NFIA: variants seen among roughly 807,000 people sequenced by gnomAD.
NFIA encodes nuclear factor 1 A-type.
NFIA carries 8 observed loss-of-function variants against 62.8 expected under a neutral mutation model. That is an observed-to-expected ratio of 0.13 (90% CI 0.07 to 0.23). NFIA has a LOEUF of 0.23. Among genes scored for constraint, NFIA ranks in the 10% least tolerant of loss-of-function variants. The pLI is 1.00. For missense variants in NFIA, 410 were observed against 642.1 expected (o/e 0.64, Z 3.91); for synonymous variants, 235 against 238.1 (o/e 0.99, Z 0.12).
intron 3 of NFIA, among the ~76,000 whole-genome samples, chr1:61,294,821 G>T (rs77320750): frequency 2.0e-5 from 3 of 152,130 alleles, no homozygotes; most frequent in Non-Finnish European, 2.9e-5. Context: ...TGAGTCTGTC[G>T]CTGGTAAGAT....
chr1:61,371,276 T>C (rs1251381407), intron 6 of NFIA, among the ~76,000 whole-genome samples: 1 of 152,350 alleles, frequency 6.6e-6, no homozygotes, highest in East Asian at 1.9e-4. Context: ...AGTTATTCTT[T>C]GATATTTATC....
intron 9 of NFIA, among the ~76,000 whole-genome samples, chr1:61,420,889 G>A (rs764242194): frequency 6.6e-5 from 10 of 152,094 alleles, no homozygotes; most frequent in South Asian, 2.1e-4. Context: ...CTTCTTGCCC[G>A]TCATTTTCAA....
intron 5 of NFIA, among the ~76,000 whole-genome samples, chr1:61,352,784 C>CAT (rs778394671): frequency 2.7e-5 from 4 of 150,056 alleles, no homozygotes; most frequent in South Asian, 2.1e-4. Context: ...CACACACACA[C>CAT]GCACACACAC....
At chr1:61,440,351 T>C (rs1667519126) in intron 10 of NFIA, among the ~76,000 whole-genome samples, 1 of 152,238 alleles carries the variant, frequency 6.6e-6, no homozygotes, top group Non-Finnish European at 1.5e-5. Flanking sequence ...ATTAAATTAC[T>C]CTGCTGTTCT....
intron 6 of NFIA, among the ~76,000 whole-genome samples, chr1:61,372,374 T>C (rs1663934526): frequency 6.6e-6 from 1 of 152,166 alleles, no homozygotes; most frequent in Non-Finnish European, 1.5e-5. Context: ...GAAAATAGCA[T>C]GCTTTTTAAT....
intron 3 of NFIA, among the ~76,000 whole-genome samples, chr1:61,278,720 G>A (rs1657960725): frequency 6.6e-6 from 1 of 152,172 alleles, no homozygotes; most frequent in African/African-American, 2.4e-5. Flanking sequence ...GAACCTGGGA[G>A]GCAGAGGTTG....
At chr1:61,190,943 G>C (rs1215932967) in intron 2 of NFIA, among the ~76,000 whole-genome samples, 1 of 151,894 alleles carries the variant, frequency 6.6e-6, no homozygotes, top group East Asian at 1.9e-4. Context: ...ACTATAAAAA[G>C]CCAACTTTGT....
At chr1:61,313,301 G>T (rs1390053544) in intron 3 of NFIA, among the ~76,000 whole-genome samples, 1 of 152,226 alleles carries the variant, frequency 6.6e-6, no homozygotes, top group African/African-American at 2.4e-5. Context: ...TGTGGGCTGT[G>T]CAGGGAGCAT....
At chr1:61,292,126 A>G (rs962540783) in intron 3 of NFIA, among the ~76,000 whole-genome samples, 2 of 152,178 alleles carry the variant, frequency 1.3e-5, no homozygotes, top group African/African-American at 4.8e-5. Flanking sequence ...GGGAGAATGC[A>G]TTATTAGAAA....
intron 2 of NFIA, among the ~76,000 whole-genome samples, chr1:61,192,685 G>A (rs541174760): frequency 7.9e-5 from 12 of 150,962 alleles, no homozygotes; most frequent in Admixed American, 5.3e-4. Flanking sequence ...CCTGGGTGAC[G>A]GAGCGAGACT....
intron 10 of NFIA, among the ~76,000 whole-genome samples, chr1:61,449,212 G>C (rs1162545331): frequency 1.3e-5 from 2 of 152,232 alleles, no homozygotes; most frequent in Non-Finnish European, 2.9e-5. Context: ...TCCCTCGAGG[G>C]AGAGTGTCTG....
intron 3 of NFIA, among the ~76,000 whole-genome samples, chr1:61,278,038 C>T (rs1165043216): frequency 9.2e-6 from 1 of 108,620 alleles, no homozygotes. Context: ...CAACACTTTG[C>T]CAATTCCTTT....
intron 2 of NFIA, among the ~76,000 whole-genome samples, chr1:61,271,634 C>A (rs1347795283): frequency 1.3e-5 from 2 of 152,178 alleles, no homozygotes; most frequent in African/African-American, 4.8e-5. Flanking sequence ...ACCTTGCTCC[C>A]TGTCTGAATC....
chr1:61,357,993 C>T (rs1663053832), intron 5 of NFIA, among the ~76,000 whole-genome samples: 1 of 152,074 alleles, frequency 6.6e-6, no homozygotes, highest in South Asian at 2.1e-4. Context: ...CCTGAAGCCT[C>T]AAACTGGGGA....
intron 4 of NFIA, among the ~76,000 whole-genome samples, chr1:61,338,728 G>A (rs1661747358): frequency 6.6e-6 from 1 of 152,212 alleles, no homozygotes; most frequent in Non-Finnish European, 1.5e-5. Flanking sequence ...GACTAATGAG[G>A]AAATGGGTGT....
chr1:61,231,735 C>T (rs1654681421), intron 2 of NFIA, among the ~76,000 whole-genome samples: 2 of 152,052 alleles, frequency 1.3e-5, no homozygotes, highest in Admixed American at 1.3e-4. Context: ...GAGGCTAAGG[C>T]AGGAGGATTG....
intron 2 of NFIA, among the ~76,000 whole-genome samples, chr1:61,200,016 A>G (rs1372620795): frequency 0.099 from 462 of 4,684 alleles, 15 homozygotes; most frequent in Non-Finnish European, 0.13. Context: ...ATATGTATAT[A>G]TATATATATA....
intron 2 of NFIA, among the ~76,000 whole-genome samples, chr1:61,166,893 A>G (rs556424887): frequency 1.7e-4 from 26 of 152,256 alleles, no homozygotes; most frequent in Middle Eastern, 3.4e-3. Flanking sequence ...TGTAATCCCA[A>G]CACTTTGGGA....
rs368139522 is a variant in NFIA at position 61,462,024 on chromosome 1, G to GTTTTTTTTTTTTTTTTTTTTTTGTTTT, written c.*6722_*6723insTTTTGTTTTTTTTTTTTTTTTTTTTTT. 1 of 73,204 alleles carries GTTTTTTTTTTTTTTTTTTTTTTGTTTT rather than the reference G, an allele frequency of 1.4e-5. No individual in the cohort carries two copies. The highest frequency in any genetic ancestry group is 6.7e-5 in the African/African-American group (1 of 14,896). The allele number at this position is 73,204 out of a possible 1,614,324, so 4.5% of individuals were successfully genotyped here. On this transcript the variant is annotated 3_prime_UTR_variant, in exon 11 of 11. Coordinates refer to ENST00000403491, the MANE Select transcript of NFIA (RefSeq NM_001134673.4). The stretch of plus-strand genomic sequence containing the variant: ...ATAGTCTGTAAGTTAGCCTTTTTGG[G>GTTTTTTTTTTTTTTTTTTTTTTGTTTT]TTTTTTTTTTTTTTTTTTGGCTTTT...
Sources: allele counts gnomAD v4.1 joint callset (sites outside exome capture counted in the v4.1 genomes callset), GRCh38; gene constraint gnomAD v4.1.1; transcripts MANE v1.5; gene names NCBI Gene and HGNC (gene_info 2026-07-23, HGNC 2026-07-21).